LRP4: variants seen among roughly 807,000 people sequenced by gnomAD.
LRP4 encodes the protein LDL receptor related protein 4, also known as low-density lipoprotein receptor-related protein 4.
LRP4 carries 95 observed loss-of-function variants against 220.3 expected under a neutral mutation model. The ratio of observed to expected loss-of-function variants is 0.43; its 90% confidence interval spans 0.37 to 0.51. The LOEUF (loss-of-function observed/expected upper bound fraction) is 0.51, where lower values mean the gene tolerates loss of function less well. LRP4 is among the 20% of genes least tolerant of loss of function. The pLI is 0.00. For missense variants in LRP4, 1,925 were observed against 2,567.0 expected (o/e 0.75, Z 5.40); for synonymous variants, 903 against 954.6 (o/e 0.95, Z 1.00).
At position 46,879,233 on chromosome 11, in the gene LRP4, T is replaced by C; in HGVS notation, c.2897A>G (p.Lys966Arg). The C allele has an allele frequency of 6.2e-7, 1 of 1,614,246 alleles. No homozygotes were observed. The highest frequency in any genetic ancestry group is 8.5e-7 in the Non-Finnish European group (1 of 1,180,048). ...CAGCCGGTCAGCGCTCTGTATGCTC[T>C]TGGTCTGCCAGTCAGTCCAATAGAT... The part of the protein sequence containing the change: ...ERIYWTDWQT[K>R]SIQSADRLTG... The change falls in exon 21 of 38, where the codon AAG (lysine) becomes AGG (arginine). Residue 966 changes from lysine (K) to arginine (R), a missense_variant. Around this residue, in one of 3 missense-constraint regions of LRP4, gnomAD observed 1,244 missense variants for 1,624.9 expected, o/e 0.77. Coordinates refer to ENST00000378623, the MANE Select transcript of LRP4 (RefSeq NM_002334.4).
Position 46,868,123 on chromosome 11 carries a change from A to G in LRP4, c.4952-9T>C, listed in dbSNP as rs769143859. 3 of 1,614,066 alleles carry G rather than the reference A, an allele frequency of 1.9e-6. No homozygotes were observed. The highest frequency in any genetic ancestry group is 3.3e-5 in the Admixed American group (2 of 60,022). ...TGGTACCAGGCCAGGCACTAGACAA[A>G]AAAGAGGATTGGAGTGGGCCACTGG... On this transcript the variant is annotated splice_polypyrimidine_tract_variant and intron_variant, in intron 33 of 37. Transcript: ENST00000378623.
intron 37 of LRP4, among the ~76,000 whole-genome samples, chr11:46,861,712 C>T (rs1342302929): frequency 6.6e-6 from 1 of 151,720 alleles, no homozygotes; most frequent in African/African-American, 2.4e-5. Context: ...GACTATTTTT[C>T]ATGCCTTCAC....
Position 46,899,184 on chromosome 11 carries a change from C to A in LRP4, c.548-152G>T. On this transcript the variant is annotated intron_variant, in intron 5 of 37. Coordinates refer to ENST00000378623, the MANE Select transcript of LRP4 (RefSeq NM_002334.4). This position sits in a 1 kb window ranked among gnomAD's most constrained non-coding sequence, Gnocchi z 5.9. ...TCATCTGGGACAGCCCTTATAGACGCCCATATTCAGGTGGACCAAAGGAAG... is the reference window on the plus strand; with the variant it reads ...TCATCTGGGACAGCCCTTATAGACGACCATATTCAGGTGGACCAAAGGAAG... 1 of 922,068 alleles carries A rather than the reference C, an allele frequency of 1.1e-6. No homozygotes were observed. The highest frequency in any genetic ancestry group is 1.7e-6 in the Non-Finnish European group (1 of 582,704). The allele number at this position is 922,068 out of a possible 1,614,324, so 57.1% of individuals were successfully genotyped here.
In LRP4 at chr11:46,899,522, A is replaced by C; in HGVS notation, c.431-19T>G. The C allele has an allele frequency of 6.4e-7, 1 of 1,572,944 alleles. No individual in the cohort carries two copies. The highest frequency in any genetic ancestry group is 8.7e-7 in the Non-Finnish European group (1 of 1,144,746). ...CGCATGTCTGGGGGGATGCGATGGG[A>C]CAGCAGTTCTGAGGGGGCCCCACAG... On this transcript the variant is annotated intron_variant, in intron 4 of 37. Transcript: ENST00000378623. The surrounding 1 kb of genome is among the most constrained non-coding windows in gnomAD (Gnocchi z 5.9).
At chr11:46,859,929 G>A (rs1051510599) in intron 37 of LRP4, among the ~76,000 whole-genome samples, 2 of 152,008 alleles carry the variant, frequency 1.3e-5, no homozygotes, top group African/African-American at 4.8e-5. Flanking sequence ...GTAAGACAGG[G>A]GACTCTAGAA....
chr11:46,857,066 T>TA lies in LRP4; in HGVS notation c.*1916dup, dbSNP rs1222527887. On this transcript the variant is annotated 3_prime_UTR_variant, in exon 38 of 38. Coordinates refer to ENST00000378623, the MANE Select transcript of LRP4 (RefSeq NM_002334.4). ...CAGAGTAAATCAGTGCTCAAATAGA[T>TA]ACTTCCTCAAATATGTCCTTTCTAC... 6.6e-6 allele frequency: 1 copy of TA among 152,606 alleles called. No individual in the cohort carries two copies. Among genetic ancestry groups the TA allele is most frequent in the Non-Finnish European group, 1.5e-5 (1 of 68,030 alleles). The allele number at this position is 152,606 out of a possible 1,614,324, so 9.5% of individuals were successfully genotyped here.
At chr11:46,870,088 A>G (rs1483785195) in intron 31 of LRP4, among the ~76,000 whole-genome samples, 3 of 150,972 alleles carry the variant, frequency 2.0e-5, no homozygotes, top group Non-Finnish European at 4.4e-5. Context: ...CCTGGGTGAC[A>G]GAGCGAGACT....
Position 46,899,091 on chromosome 11 carries a change from G to T in LRP4, c.548-59C>A. 6.6e-7 allele frequency: 1 copy of T among 1,523,764 alleles called. No homozygotes were observed. The highest frequency in any genetic ancestry group is 9.0e-7 in the Non-Finnish European group (1 of 1,111,250). The allele number at this position is 1,523,764 out of a possible 1,614,324, so 94.4% of individuals were successfully genotyped here. A position where few individuals can be genotyped will look rare whatever the true frequency, so the allele number is the denominator to read the frequency against. On this transcript the variant is annotated intron_variant, in intron 5 of 37. Transcript: ENST00000378623. The surrounding 1 kb of genome is among the most constrained non-coding windows in gnomAD (Gnocchi z 5.9). ...ACTCAGGCCTGGATGAAGGAGAGGGGCCCTGATTCCTCAAGCAGGCAGGAT... is the reference window on the plus strand; with the variant it reads ...ACTCAGGCCTGGATGAAGGAGAGGGTCCCTGATTCCTCAAGCAGGCAGGAT...
At chr11:46,859,728 C>CAAGATGCACTATAACA (rs1940489171) in intron 37 of LRP4, among the ~76,000 whole-genome samples, 1 of 152,176 alleles carries the variant, frequency 6.6e-6, no homozygotes. Context: ...GAGCTTGACA[C>CAAGATGCACTATAACA]AAGATGCACT....
chr11:46,868,844 G>A (rs1163535942), intron 32 of LRP4, 131 bp from the exon 33 acceptor site: 11 of 1,284,200 alleles, frequency 8.6e-6, no homozygotes, highest in African/African-American at 2.9e-5. Context: ...ATACAACCGC[G>A]AGGGAGTAAA....
rs771058417 is a variant in LRP4, at chr11:46,874,841, A to G, written c.4188T>C (p.Asp1396=). Residue 1396 remains aspartate (D), a synonymous_variant, in exon 28 of 38, where the codon GAT becomes GAC. Coordinates refer to ENST00000378623, the MANE Select transcript of LRP4 (RefSeq NM_002334.4). The stretch of plus-strand genomic sequence containing the variant: ...ACACATCTGTGTAATAGACCTTTCC[A>G]TCCACGCTGTCATAGTCCAGGGAGA... The part of the protein sequence containing the change: ...NVISLDYDSV[D]GKVYYTDVFL... The G allele has an allele frequency of 6.2e-7, 1 of 1,613,658 alleles. No homozygotes were observed. The highest frequency in any genetic ancestry group is 1.7e-5 in the Admixed American group (1 of 60,022).
chr11:46,888,017 A>G (rs1357343281), intron 16 of LRP4, among the ~76,000 whole-genome samples: 7 of 109,358 alleles, frequency 6.4e-5, no homozygotes, highest in African/African-American at 1.9e-4. Context: ...CCTGTCTCAA[A>G]AAAAAAAAAA....
intron 2 of LRP4, 118 bp from the exon 3 acceptor site, chr11:46,900,496 G>A (rs553843735): frequency 1.1e-5 from 8 of 726,278 alleles, no homozygotes; most frequent in African/African-American, 3.5e-5. Flanking sequence ...TTTTGAGACC[G>A]AGTCTTACTC....
chr11:46,903,959 T>A (rs1462838475), intron 1 of LRP4, among the ~76,000 whole-genome samples: 5 of 152,194 alleles, frequency 3.3e-5, no homozygotes, highest in African/African-American at 1.2e-4. Context: ...CATGACCAGC[T>A]GCTGTGCCCC....
chr11:46,892,365 T>C (rs1043889419), intron 13 of LRP4, among the ~76,000 whole-genome samples: 2 of 152,244 alleles, frequency 1.3e-5, no homozygotes, highest in South Asian at 4.1e-4. Flanking sequence ...TTATCTAATG[T>C]GTGTTATATG....
intron 35 of LRP4, 146 bp from the exon 36 acceptor site, chr11:46,864,681 G>C (rs1436568327): frequency 7.3e-6 from 5 of 689,158 alleles, no homozygotes; most frequent in Non-Finnish European, 1.3e-5. Context: ...TTTTCAGATA[G>C]GTAAATGGGA....
intron 34 of LRP4, among the ~76,000 whole-genome samples, chr11:46,865,930 T>A (rs917335229): frequency 2.0e-5 from 3 of 152,232 alleles, no homozygotes; most frequent in African/African-American, 7.2e-5. Flanking sequence ...TGTTTCCTTT[T>A]CTTTACAAAC....
At position 46,859,119 on chromosome 11, in the gene LRP4, T is replaced by C; in HGVS notation, c.5582A>G (p.Glu1861Gly). The C allele has an allele frequency of 6.2e-7, 1 of 1,614,194 alleles. No homozygotes were observed. Among genetic ancestry groups the C allele is most frequent in the South Asian group, 1.1e-5 (1 of 91,084 alleles). The part of the protein sequence containing the change: ...QASSGSLDDT[E>G]TEQLLQEEQS... ...CTCTTCCTGTAACAGCTGCTCCGTC[T>C]CTGTGTCATCCAGGGAGCCAGAGCT... is the stretch of plus-strand genomic sequence containing the variant. The change falls in exon 38 of 38, where the codon GAG becomes GGG. Residue 1861 changes from glutamate to glycine, a missense_variant. Coordinates refer to ENST00000378623, the MANE Select transcript of LRP4 (RefSeq NM_002334.4).
At position 46,857,584 on chromosome 11, in the gene LRP4, G is replaced by GGGAGATTTATTCAGCCCTCCC. The variant is rs1204534043; in HGVS notation, c.*1398_*1399insGGGAGGGCTGAATAAATCTCC. 166 of 152,230 alleles carry GGGAGATTTATTCAGCCCTCCC rather than the reference G, an allele frequency of 1.1e-3. 1 individual carries two copies. The highest frequency in any genetic ancestry group is 4.0e-3 in the African/African-American group (165 of 41,510). The allele number at this position is 152,230 out of a possible 1,614,324, so 9.4% of individuals were successfully genotyped here. ...TATTTATTCAGCCCTCCCACCACAG[G>GGGAGATTTATTCAGCCCTCCC]ACTTTGGAGATTGCTGGTGCCACAA... On this transcript the variant is annotated 3_prime_UTR_variant, in exon 38 of 38. Transcript: ENST00000378623.
Sources: gnomAD v4.1 joint callset for allele counts (sites outside exome capture counted in the v4.1 genomes callset) on GRCh38, gnomAD v4.1.1 for gene constraint, gnomAD v4.1.1 regional missense constraint, Gnocchi (gnomAD v3.1) non-coding constraint, MANE v1.5 for transcripts, NCBI Gene and HGNC (gene_info 2026-07-23, HGNC 2026-07-21) for gene names.